KAZN: variants seen among roughly 807,000 people sequenced by gnomAD.
KAZN encodes kazrin.
Under a neutral mutation model 87.4 loss-of-function variants are expected in KAZN, and 40 were observed. The ratio of observed to expected loss-of-function variants is 0.46; its 90% confidence interval spans 0.36 to 0.60. KAZN has a LOEUF of 0.60. KAZN is among the 20% of genes least tolerant of loss of function. KAZN has a pLI of 0.00. For synonymous variants in KAZN, 466 were observed against 458.3 expected, an observed-to-expected ratio of 1.02 and a Z score of -0.22; for missense variants, 898 against 1,073.9, an observed-to-expected ratio of 0.84 and a Z score of 2.29.
chr1:15,094,453 TG>T lies in KAZN; in HGVS notation c.1428+70del. 7.0e-7 allele frequency: 1 copy of T among 1,436,230 alleles called. No homozygotes were observed. The highest frequency in any genetic ancestry group is 9.5e-7 in the Non-Finnish European group (1 of 1,050,242). The allele number at this position is 1,436,230 out of a possible 1,614,324, so 89.0% of individuals were successfully genotyped here. A position where few individuals can be genotyped will look rare whatever the true frequency, so the allele number is the denominator to read the frequency against. Reference sequence around the variant, plus strand: ...CTGTGAGCTTTACGTACCCAGAAGCTGGCCTGCCCCCCACTCCTACCCTGGA... The same window carrying T: ...CTGTGAGCTTTACGTACCCAGAAGCTGCCTGCCCCCCACTCCTACCCTGGA... On this transcript the variant is annotated intron_variant, in intron 9 of 14. Coordinates refer to ENST00000376030, the MANE Select transcript of KAZN (RefSeq NM_201628.3). The surrounding 1 kb of genome is among the most constrained non-coding windows in gnomAD (Gnocchi z 4.5).
chr1:14,600,815 G>A (rs557471469), intron 1 of KAZN, among the ~76,000 whole-genome samples: 5 of 152,312 alleles, frequency 3.3e-5, no homozygotes, highest in South Asian at 2.1e-4. Flanking sequence ...AACAATGCTC[G>A]TTTATTTCCC....
At chr1:14,320,902 A>T (rs1215566752) in intron 2 of KAZN, among the ~76,000 whole-genome samples, 1 of 152,202 alleles carries the variant, frequency 6.6e-6, no homozygotes, top group Non-Finnish European at 1.5e-5. Flanking sequence ...TTAGACATCT[A>T]AAGTCTCTTC....
At chr1:14,042,475 G>T (rs7545683) in intron 1 of KAZN, among the ~76,000 whole-genome samples, 93,797 of 152,050 alleles carry the variant, frequency 0.62, 30,302 homozygotes, top group African/African-American at 0.8. Flanking sequence ...AGCAGGTCTA[G>T]GGTTCCCAGG....
In KAZN at chr1:14,826,099, C is replaced by T. The variant is rs372206438; in HGVS notation, c.227-134585C>T. Reference sequence around the variant, plus strand: ...TTTAGAAAAGCAGGTCCATGCTGGCCGCTGAGTCCCCTGCCCATCGAGAGC... The same window carrying T: ...TTTAGAAAAGCAGGTCCATGCTGGCTGCTGAGTCCCCTGCCCATCGAGAGC... On this transcript the variant is annotated intron_variant, in intron 1 of 14. Coordinates refer to ENST00000376030, the MANE Select transcript of KAZN (RefSeq NM_201628.3). Among the ~76,000 whole-genome samples the T allele has an allele frequency of 1.3e-4, 20 of 152,294 alleles. No individual in the cohort carries two copies. The East Asian group carries it at 3.9e-3, about 29-fold the overall frequency.
At chr1:14,991,085 G>A (rs1201600348) in intron 2 of KAZN, among the ~76,000 whole-genome samples, 1 of 151,958 alleles carries the variant, frequency 6.6e-6, no homozygotes, top group Non-Finnish European at 1.5e-5. Context: ...GGGCGCAGAG[G>A]CTCGTGCCTG....
At chr1:15,088,763 T>C (rs1050580328) in intron 8 of KAZN, among the ~76,000 whole-genome samples, 2 of 151,948 alleles carry the variant, frequency 1.3e-5, no homozygotes, top group Non-Finnish European at 2.9e-5. Flanking sequence ...TGGTGCTCAG[T>C]CCTCAGGGGT....
At chr1:14,679,581 G>A (rs1345849898) in intron 1 of KAZN, among the ~76,000 whole-genome samples, 1 of 152,112 alleles carries the variant, frequency 6.6e-6, no homozygotes, top group East Asian at 1.9e-4. Flanking sequence ...GGTCTGAAAG[G>A]CACCAAGATG....
In KAZN at chr1:14,886,437, TACAC is replaced by T. The variant is rs34119523; in HGVS notation, c.227-74223_227-74220del. On this transcript the variant is annotated intron_variant, in intron 1 of 14. Coordinates refer to ENST00000376030, the MANE Select transcript of KAZN (RefSeq NM_201628.3). ...GGCCTTGTCTCTATACACACACACA[TACAC>T]ACACACACACACACACACACACAGA... Among the ~76,000 whole-genome samples, 927 of 146,906 alleles carry T rather than the reference TACAC, an allele frequency of 6.3e-3. 10 individuals carry two copies. The highest frequency in any genetic ancestry group is 0.02 in the African/African-American group (814 of 39,714).
chr1:13,990,191 T>G (rs972258657), intron 1 of KAZN, among the ~76,000 whole-genome samples: 3 of 152,094 alleles, frequency 2.0e-5, no homozygotes, highest in African/African-American at 7.2e-5. Context: ...CCAAGAGAAA[T>G]GAAAACACAC....
At chr1:14,266,626 G>A (rs976804945) in intron 2 of KAZN, among the ~76,000 whole-genome samples, 3 of 152,136 alleles carry the variant, frequency 2.0e-5, no homozygotes, top group African/African-American at 7.2e-5. Flanking sequence ...CCAGTTCAGG[G>A]TCAATGGTAG....
At chr1:13,970,467 G>A (rs1348173155) in intron 1 of KAZN, among the ~76,000 whole-genome samples, 4 of 152,144 alleles carry the variant, frequency 2.6e-5, no homozygotes. Flanking sequence ...ATGCAGCCTG[G>A]CCATGGAAGA....
intron 2 of KAZN, among the ~76,000 whole-genome samples, chr1:14,453,167 G>T (rs1231615238): frequency 6.6e-6 from 1 of 152,028 alleles, no homozygotes; most frequent in Non-Finnish European, 1.5e-5. Flanking sequence ...ATGTTATCCA[G>T]GATTGTCTCG....
intron 1 of KAZN, among the ~76,000 whole-genome samples, chr1:14,842,242 A>C (rs1366071249): frequency 6.6e-6 from 1 of 152,198 alleles, no homozygotes; most frequent in Admixed American, 6.5e-5. Flanking sequence ...GGCACATAAT[A>C]GGTGGTCATT....
intron 1 of KAZN, among the ~76,000 whole-genome samples, chr1:14,724,421 A>C (rs1643281203): frequency 6.6e-6 from 1 of 152,178 alleles, no homozygotes; most frequent in African/African-American, 2.4e-5. Flanking sequence ...GGCTTTCTCT[A>C]AACCACCTTT....
intron 1 of KAZN, among the ~76,000 whole-genome samples, chr1:14,620,290 C>T (rs1678590322): frequency 1.3e-5 from 2 of 152,208 alleles, no homozygotes; most frequent in Non-Finnish European, 2.9e-5. Flanking sequence ...TTAAATGCAG[C>T]TGATAAGATC....
chr1:14,895,331 C>T (rs149971051), intron 1 of KAZN, among the ~76,000 whole-genome samples: 85 of 152,342 alleles, frequency 5.6e-4, no homozygotes, highest in African/African-American at 2.0e-3. Context: ...AGCCAGGAAA[C>T]GCAGACCGCC....
At chr1:14,826,118 C>T (rs986913644) in intron 1 of KAZN, among the ~76,000 whole-genome samples, 1 of 152,168 alleles carries the variant, frequency 6.6e-6, no homozygotes, top group Non-Finnish European at 1.5e-5. Flanking sequence ...CCCTGCCCAT[C>T]GAGAGCCACA....
chr1:14,739,522 T>G (rs954178589), intron 1 of KAZN, among the ~76,000 whole-genome samples: 2 of 152,100 alleles, frequency 1.3e-5, no homozygotes, highest in Non-Finnish European at 2.9e-5. Context: ...TAAGCTCAAG[T>G]GTTTCCTCCC....
chr1:13,929,169 C>T (rs2100928305), intron 1 of KAZN, among the ~76,000 whole-genome samples: 1 of 151,332 alleles, frequency 6.6e-6, no homozygotes, highest in Non-Finnish European at 1.5e-5. Context: ...ATCTTTCCAC[C>T]TCAGCCTCCC....
Sources: gnomAD v4.1 joint callset for allele counts (sites outside exome capture counted in the v4.1 genomes callset) on GRCh38, gnomAD v4.1.1 for gene constraint, Gnocchi (gnomAD v3.1) non-coding constraint, MANE v1.5 for transcripts, NCBI Gene and HGNC (gene_info 2026-07-23, HGNC 2026-07-21) for gene names.